WDR27: variants seen among roughly 807,000 people sequenced by gnomAD.
The protein encoded by WDR27 is WD repeat-containing protein 27.
In WDR27, 100 loss-of-function variants were observed where a neutral mutation model predicts 114.4. That is an observed-to-expected ratio of 0.87 (90% confidence interval 0.74 to 1.03). WDR27 has a LOEUF of 1.03. WDR27 is among the 50% of genes least tolerant of loss of function. The pLI, the probability that WDR27 is intolerant of heterozygous loss-of-function variation, is 0.00. For synonymous variants in WDR27, 449 were observed against 423.1 expected, an observed-to-expected ratio of 1.06 and a Z score of -0.75; for missense variants, 1,129 against 1,092.9, an observed-to-expected ratio of 1.03 and a Z score of -0.47.
At position 169,672,275 on chromosome 6, in the gene WDR27, C is replaced by T; in HGVS notation, c.311G>A (p.Cys104Tyr). The T allele has an allele frequency of 6.2e-7, 1 of 1,612,916 alleles. No individual in the cohort carries two copies. Reference sequence around the variant, plus strand: ...TTTACCTTGAAGTACTTTCTCTCTACATTCATCCAGGTTCCACATTATAAC... The same window carrying T: ...TTTACCTTGAAGTACTTTCTCTCTATATTCATCCAGGTTCCACATTATAAC... The part of the protein sequence containing the change: ...DYVIMWNLDE[C>Y]REKVLQGLVP... Residue 104 changes from cysteine (C) to tyrosine (Y), a missense_variant, in exon 3 of 26, where the codon TGT becomes TAT. Cys to Tyr is a radical substitution (Grantham distance 194, BLOSUM62 -2). Transcript: ENST00000448612.
downstream of WDR27, among the ~76,000 whole-genome samples, chr6:169,455,870 T>C (rs956845627): frequency 1.3e-5 from 2 of 152,260 alleles, no homozygotes; most frequent in African/African-American, 4.8e-5. Flanking sequence ...AGGTCTCTAA[T>C]AGATTTGGTA....
At chr6:169,583,817 T>C (rs1804041899) in intron 23 of WDR27, among the ~76,000 whole-genome samples, 1 of 152,100 alleles carries the variant, frequency 6.6e-6, no homozygotes, top group Non-Finnish European at 1.5e-5. Flanking sequence ...CAATATGATT[T>C]TATGGGATCC....
At chr6:169,595,040 C>A (rs1448698614) in intron 23 of WDR27, among the ~76,000 whole-genome samples, 2 of 152,152 alleles carry the variant, frequency 1.3e-5, no homozygotes, top group East Asian at 3.9e-4. Context: ...GTGGCATGTG[C>A]CTGTAGTTCC....
At chr6:169,600,862 AGAATGGAACCAAGTT>A (rs1347528374) in intron 23 of WDR27, among the ~76,000 whole-genome samples, 1 of 152,254 alleles carries the variant, frequency 6.6e-6, no homozygotes, top group Admixed American at 6.5e-5. Flanking sequence ...AGTGACAGGG[AGAATGGAACCAAGTT>A]GGAAAATACT....
In WDR27 at chr6:169,659,112, C is replaced by T; in HGVS notation, c.1293G>A (p.Met431Ile). The change falls in exon 12 of 26, where the codon ATG (methionine) becomes ATA (isoleucine). Residue 431 changes from methionine to isoleucine, a missense_variant. Coordinates refer to ENST00000448612, the MANE Select transcript of WDR27 (RefSeq NM_182552.5). The surrounding 1 kb of genome is among the most constrained non-coding windows in gnomAD (Gnocchi z 4.3). Reference sequence around the variant, plus strand: ...TGGCTGGCACCGAGAGGCTCTGCCCCATGCTGGGGCACTGCTGAGCCCTGA... The same window carrying T: ...TGGCTGGCACCGAGAGGCTCTGCCCTATGCTGGGGCACTGCTGAGCCCTGA... ...ALVRAQQCPS[M>I]GQSLSVPASS... 6.3e-7 allele frequency: 1 copy of T among 1,588,962 alleles called. No individual in the cohort carries two copies. Among genetic ancestry groups the T allele is most frequent in the Non-Finnish European group, 8.6e-7 (1 of 1,169,186 alleles).
chr6:169,582,926 C>T lies in WDR27; in HGVS notation c.2433G>A (p.Val811=), dbSNP rs2128141126. 4 of 1,613,828 alleles carry T rather than the reference C, an allele frequency of 2.5e-6. No homozygotes were observed. The highest frequency in any genetic ancestry group is 3.4e-6 in the Non-Finnish European group (4 of 1,179,846). ...AAAACGTGCTTGAGCCCATTTCATA[C>T]ACGTAAGCCTACAAGACAAGATGAG... The part of the protein sequence containing the change: ...ACGAEDRHAY[V]YEMGSSTFSH... The change falls in exon 24 of 26, where the codon GTG becomes GTA. Residue 811 remains valine (V), a synonymous_variant. Transcript: ENST00000448612.
chr6:169,438,333 G>T, the WDR27 span, among the ~76,000 whole-genome samples: 1 of 149,852 alleles, frequency 6.7e-6, no homozygotes, highest in Admixed American at 6.7e-5. Context: ...CGCCTCCCAG[G>T]TTCATGCCAT....
At chr6:169,621,489 C>T (rs1021491296) in intron 21 of WDR27, among the ~76,000 whole-genome samples, 1 of 152,100 alleles carries the variant, frequency 6.6e-6, no homozygotes, top group Non-Finnish European at 1.5e-5. Flanking sequence ...TGCATGCACA[C>T]ATATACATAC....
chr6:169,613,139 T>C (rs1052443145), intron 22 of WDR27, among the ~76,000 whole-genome samples: 3 of 152,172 alleles, frequency 2.0e-5, no homozygotes, highest in Non-Finnish European at 4.4e-5. Context: ...GGAAATGCCC[T>C]CCCAACTGTG....
intron 25 of WDR27, among the ~76,000 whole-genome samples, chr6:169,541,112 G>A (rs1796782642): frequency 1.3e-5 from 2 of 149,656 alleles, no homozygotes; most frequent in Admixed American, 1.4e-4. Context: ...AATGTAATAA[G>A]GACCATTAAG....
At chr6:169,504,611 A>G (rs1389628842) in intron 25 of WDR27, among the ~76,000 whole-genome samples, 1 of 152,142 alleles carries the variant, frequency 6.6e-6, no homozygotes, top group Non-Finnish European at 1.5e-5. Flanking sequence ...CTCACTTTAA[A>G]AAAAGATTTT....
At chr6:169,645,036 T>TAAAAAAAAAAAAAAAA (rs369797685) in intron 16 of WDR27, among the ~76,000 whole-genome samples, 64 of 76,950 alleles carry the variant, frequency 8.3e-4, no homozygotes, top group Non-Finnish European at 1.3e-3. Flanking sequence ...AAAAAAAAAA[T>TAAAAAAAAAAAAAAAA]AAAAAAAAAA....
At chr6:169,643,672 T>G in intron 17 of WDR27, 25 bp downstream of exon 17, 1 of 1,600,914 alleles carries the variant, frequency 6.2e-7, no homozygotes, top group African/African-American at 1.3e-5. Flanking sequence ...AAGTTCATAC[T>G]GACTGAAATT....
intron 14 of WDR27, among the ~76,000 whole-genome samples, chr6:169,651,178 C>CGGGGGGGGGGGGGGGGGGGGG (rs200606067): frequency 2.9e-4 from 1 of 3,396 alleles, no homozygotes; most frequent in Non-Finnish European, 4.9e-4. Context: ...CACAGCAGTG[C>CGGGGGGGGGGGGGGGGGGGGG]GGGGCGGGGG....
chr6:169,556,487 T>C (rs1234581072), intron 25 of WDR27, among the ~76,000 whole-genome samples: 2 of 152,176 alleles, frequency 1.3e-5, no homozygotes, highest in Admixed American at 1.3e-4. Context: ...CAACGGGTTA[T>C]AGATCCAAAT....
chr6:169,639,859 A>C (rs1254487353), intron 17 of WDR27, among the ~76,000 whole-genome samples: 1 of 152,158 alleles, frequency 6.6e-6, no homozygotes, highest in African/African-American at 2.4e-5. Flanking sequence ...TGACGGTTCT[A>C]AGAAGCGGCG....
chr6:169,429,996 G>A, the WDR27 span, among the ~76,000 whole-genome samples: 1 of 152,194 alleles, frequency 6.6e-6, no homozygotes. Context: ...TCCAGGCCAA[G>A]GCCCCTCATG....
At chr6:169,635,236 G>A (rs566222845) in intron 19 of WDR27, among the ~76,000 whole-genome samples, 2 of 152,014 alleles carry the variant, frequency 1.3e-5, no homozygotes, top group Non-Finnish European at 2.9e-5. Context: ...TGTGGTTGGG[G>A]GGCAGGTGGG....
chr6:169,519,487 C>T (rs955529006), intron 25 of WDR27, among the ~76,000 whole-genome samples: 1 of 152,094 alleles, frequency 6.6e-6, no homozygotes, highest in Non-Finnish European at 1.5e-5. Context: ...GGAGCTGGCA[C>T]ATTATGTGGC....
Sources: allele counts gnomAD v4.1 joint callset (sites outside exome capture counted in the v4.1 genomes callset), GRCh38; gene constraint gnomAD v4.1.1; non-coding constraint Gnocchi (gnomAD v3.1); transcripts MANE v1.5; gene names NCBI Gene and HGNC (gene_info 2026-07-23, HGNC 2026-07-21).